Variants in HCN1 observed in about 807,000 individuals in gnomAD.
The protein encoded by HCN1 is hyperpolarization activated cyclic nucleotide gated potassium channel 1.
A neutral mutation model predicts 78.9 loss-of-function variants in HCN1; 13 were observed. The observed-to-expected ratio is 0.16, with a 90% CI of 0.11 to 0.26. The LOEUF (loss-of-function observed/expected upper bound fraction) is 0.26. Among genes scored for constraint, HCN1 ranks in the 10% least tolerant of loss-of-function variants. HCN1 has a pLI of 1.00. For missense variants in HCN1, 810 were observed against 1,154.3 expected, an observed-to-expected ratio of 0.70 and a Z score of 4.32; for synonymous variants, 552 against 455.5, an observed-to-expected ratio of 1.21 and a Z score of -2.70.
Position 45,462,015 on chromosome 5 carries a change from C to A in HCN1, c.850-8G>T. 1 of 1,609,986 alleles carries A rather than the reference C, an allele frequency of 6.2e-7. No individual in the cohort carries two copies. ...ATATGTCATGTGGAATATCTGTTGA[C>A]CAAAATATAAAATCAATTCTTATAA... On this transcript the variant is annotated splice_polypyrimidine_tract_variant and splice_region_variant and intron_variant, in intron 2 of 7. Coordinates refer to ENST00000303230, the MANE Select transcript of HCN1 (RefSeq NM_021072.4).
At chr5:45,387,915 C>A (rs1747960430) in intron 4 of HCN1, among the ~76,000 whole-genome samples, 1 of 152,130 alleles carries the variant, frequency 6.6e-6, no homozygotes, top group Non-Finnish European at 1.5e-5. Context: ...ACAATTATAA[C>A]AATATACTGT....
intron 2 of HCN1, among the ~76,000 whole-genome samples, chr5:45,624,046 G>C (rs2112000298): frequency 6.6e-6 from 1 of 152,298 alleles, no homozygotes; most frequent in African/African-American, 2.4e-5. Flanking sequence ...CAGGGAGATA[G>C]TGTGGCTAGA....
At chr5:45,664,472 G>T (rs201397396) in intron 1 of HCN1, among the ~76,000 whole-genome samples, 1 of 122,456 alleles carries the variant, frequency 8.2e-6, no homozygotes. Context: ...ATAAAAAAAA[G>T]AAAAAAAAAA....
chr5:45,364,194 C>T (rs1314754944), intron 4 of HCN1, among the ~76,000 whole-genome samples: 2 of 152,112 alleles, frequency 1.3e-5, no homozygotes, highest in African/African-American at 4.8e-5. Flanking sequence ...TTTCCAAAGA[C>T]TATGCCCAAG....
At chr5:45,273,835 A>G (rs1391751535) in intron 6 of HCN1, among the ~76,000 whole-genome samples, 2 of 152,098 alleles carry the variant, frequency 1.3e-5, no homozygotes, top group African/African-American at 4.8e-5. Context: ...CTGTATTTAT[A>G]TTAGTGAACT....
intron 2 of HCN1, among the ~76,000 whole-genome samples, chr5:45,542,409 AT>A (rs530918256): frequency 6.6e-6 from 1 of 151,782 alleles, no homozygotes; most frequent in African/African-American, 2.4e-5. Flanking sequence ...GTATGTCAGA[AT>A]TTTTTTTCTG....
intron 4 of HCN1, among the ~76,000 whole-genome samples, chr5:45,360,122 C>T (rs1747081141): frequency 6.6e-6 from 1 of 151,056 alleles, no homozygotes; most frequent in Non-Finnish European, 1.5e-5. Context: ...AAAAAGCAAA[C>T]AGGTTAAAAA....
At chr5:45,432,068 C>T (rs942932006) in intron 3 of HCN1, among the ~76,000 whole-genome samples, 4 of 152,066 alleles carry the variant, frequency 2.6e-5, no homozygotes, top group East Asian at 3.9e-4. Flanking sequence ...TATCCATGAG[C>T]GTATAATGTT....
chr5:45,301,682 G>A (rs1745624325), intron 6 of HCN1, among the ~76,000 whole-genome samples: 2 of 147,150 alleles, frequency 1.4e-5, no homozygotes, highest in African/African-American at 5.0e-5. Context: ...AATCATGCCA[G>A]TGCACTTCAG....
intron 2 of HCN1, among the ~76,000 whole-genome samples, chr5:45,628,803 C>T (rs560327429): frequency 6.6e-6 from 1 of 151,868 alleles, no homozygotes; most frequent in South Asian, 2.1e-4. Flanking sequence ...GAAACCCTGT[C>T]TCTTCTAAAA....
At chr5:45,647,251 T>C (rs1157063951) in intron 1 of HCN1, among the ~76,000 whole-genome samples, 3 of 152,126 alleles carry the variant, frequency 2.0e-5, no homozygotes, top group African/African-American at 7.2e-5. Flanking sequence ...AATGAAATGG[T>C]TTTATATCTT....
chr5:45,368,859 A>G (rs1747292554), intron 4 of HCN1, among the ~76,000 whole-genome samples: 1 of 152,062 alleles, frequency 6.6e-6, no homozygotes, highest in African/African-American at 2.4e-5. Flanking sequence ...GTTTCATTGA[A>G]GTATAATTTA....
chr5:45,656,590 C>T (rs1745767723), intron 1 of HCN1, among the ~76,000 whole-genome samples: 1 of 152,136 alleles, frequency 6.6e-6, no homozygotes, highest in Non-Finnish European at 1.5e-5. Flanking sequence ...GGCATATTTA[C>T]TTTTTCAGCT....
chr5:45,266,803 G>A (rs1252668737), intron 7 of HCN1, among the ~76,000 whole-genome samples: 1 of 151,524 alleles, frequency 6.6e-6, no homozygotes, highest in African/African-American at 2.4e-5. Context: ...CCACCTCCCA[G>A]GCTCAAGAGA....
intron 1 of HCN1, among the ~76,000 whole-genome samples, chr5:45,666,690 A>G (rs762100658): frequency 2.0e-5 from 3 of 152,016 alleles, no homozygotes; most frequent in African/African-American, 7.2e-5. Flanking sequence ...ATCTATCTCT[A>G]CTTCCCATTA....
At chr5:45,469,499 T>C (rs1179470991) in intron 2 of HCN1, among the ~76,000 whole-genome samples, 2 of 152,032 alleles carry the variant, frequency 1.3e-5, no homozygotes, top group Admixed American at 1.3e-4. Context: ...CATATTTAAA[T>C]GAGGCGAAAA....
chr5:45,648,890 C>CT (rs1453812648), intron 1 of HCN1, among the ~76,000 whole-genome samples: 1 of 151,888 alleles, frequency 6.6e-6, no homozygotes, highest in Non-Finnish European at 1.5e-5. Context: ...CCCAAAGCAA[C>CT]TTACCTAACA....
At chr5:45,300,599 T>A (rs1047141896) in intron 6 of HCN1, among the ~76,000 whole-genome samples, 1 of 152,154 alleles carries the variant, frequency 6.6e-6, no homozygotes, top group African/African-American at 2.4e-5. Context: ...TAATCAACTA[T>A]TTGTATTATT....
intron 3 of HCN1, 45 bp from the exon 4 acceptor site, chr5:45,396,755 G>T: frequency 6.8e-7 from 1 of 1,474,596 alleles, no homozygotes; most frequent in Non-Finnish European, 9.5e-7. Context: ...CATTAGGATG[G>T]CAGAATGAAA....
Sources: gnomAD v4.1 joint callset for allele counts (sites outside exome capture counted in the v4.1 genomes callset) on GRCh38, gnomAD v4.1.1 for gene constraint, MANE v1.5 for transcripts, NCBI Gene and HGNC (gene_info 2026-07-23, HGNC 2026-07-21) for gene names.